Variants in CSMD1 observed in about 807,000 individuals in gnomAD.
The protein encoded by CSMD1 is CUB and Sushi multiple domains 1, also known as CUB and sushi domain-containing protein 1.
A neutral mutation model predicts 417.5 loss-of-function variants in CSMD1; 213 were observed. The observed-to-expected ratio is 0.51, with a 90% CI of 0.46 to 0.57. CSMD1 has a LOEUF of 0.57. Among genes scored for constraint, CSMD1 ranks in the 20% least tolerant of loss-of-function variants. The pLI is 0.00. For missense variants in CSMD1, 6,923 were observed against 4,529.7 expected, an observed-to-expected ratio of 1.53 and a Z score of -15.17; for synonymous variants, 2,862 against 1,736.8, an observed-to-expected ratio of 1.65 and a Z score of -16.11.
Position 4,841,120 on chromosome 8 carries a change from G to A in CSMD1, c.85+153212C>T, listed in dbSNP as rs552229889. Among the ~76,000 whole-genome samples, 50 of 152,204 alleles carry A rather than the reference G, an allele frequency of 3.3e-4. No homozygotes were observed. The South Asian group carries it at 9.6e-3, about 29-fold the overall frequency. The stretch of plus-strand genomic sequence containing the variant: ...TCTTTGTCGACTGCAGAAACAATTG[G>A]TATTACAATCTTTATTACTGAATGC... On this transcript the variant is annotated intron_variant, in intron 1 of 69. Transcript: ENST00000635120.
At chr8:4,034,021 T>C (rs548299551) in intron 3 of CSMD1, among the ~76,000 whole-genome samples, 3 of 152,290 alleles carry the variant, frequency 2.0e-5, no homozygotes, top group Admixed American at 6.5e-5. Flanking sequence ...CAAATAAAAA[T>C]GTATTTCCAA....
intron 2 of CSMD1, among the ~76,000 whole-genome samples, chr8:4,448,623 G>C (rs370968827): frequency 1.3e-5 from 2 of 152,110 alleles, no homozygotes; most frequent in South Asian, 2.1e-4. Context: ...AAATGTAATG[G>C]TGGGAAAATA....
intron 2 of CSMD1, among the ~76,000 whole-genome samples, chr8:4,631,535 C>A (rs896275365): frequency 6.6e-6 from 1 of 151,976 alleles, no homozygotes; most frequent in African/African-American, 2.4e-5. Flanking sequence ...AATTGAGACC[C>A]TTTCTTTAGC....
chr8:3,018,018 T>G (rs1260458690), intron 52 of CSMD1, among the ~76,000 whole-genome samples: 3 of 152,134 alleles, frequency 2.0e-5, no homozygotes, highest in African/African-American at 7.2e-5. Context: ...ATTTTTTAAA[T>G]TATGCAGAAT....
At chr8:4,666,349 T>C (rs1046698783) in intron 1 of CSMD1, among the ~76,000 whole-genome samples, 2 of 152,102 alleles carry the variant, frequency 1.3e-5, no homozygotes, top group African/African-American at 2.4e-5. Flanking sequence ...GCTTTTAACA[T>C]GGAAGAGGGA....
chr8:4,097,162 T>A (rs1390587828), intron 3 of CSMD1, among the ~76,000 whole-genome samples: 3 of 152,174 alleles, frequency 2.0e-5, no homozygotes, highest in African/African-American at 7.2e-5. Context: ...CTGTCATGCT[T>A]ACCATTATAT....
At chr8:4,590,249 T>G (rs1585297147) in intron 2 of CSMD1, among the ~76,000 whole-genome samples, 1 of 152,060 alleles carries the variant, frequency 6.6e-6, no homozygotes, top group Non-Finnish European at 1.5e-5. Flanking sequence ...GCGTCATACT[T>G]GAAAGTGGAG....
rs545127942 is a variant in CSMD1 at position 4,854,686 on chromosome 8, G to A, written c.85+139646C>T. ...CTGGAAAATCGGGTCACTCCCACCC[G>A]AATACTGCCCTTTTCCGACGGGCTT... On this transcript the variant is annotated intron_variant, in intron 1 of 69. Transcript: ENST00000635120. Among the ~76,000 whole-genome samples the A allele has an allele frequency of 2.6e-3, 396 of 151,890 alleles. 2 individuals are homozygous for A. Among genetic ancestry groups the A allele is most frequent in the Non-Finnish European group, 3.6e-3 (248 of 68,014 alleles).
intron 2 of CSMD1, among the ~76,000 whole-genome samples, chr8:4,431,235 A>T (rs1797853384): frequency 6.6e-6 from 1 of 152,198 alleles, no homozygotes. Flanking sequence ...ACATTAAAAA[A>T]ATAGTGAAAT....
At chr8:3,721,672 G>A (rs372248212) in intron 6 of CSMD1, among the ~76,000 whole-genome samples, 10 of 152,002 alleles carry the variant, frequency 6.6e-5, no homozygotes, top group Non-Finnish European at 1.3e-4. Flanking sequence ...TCATGGTTTT[G>A]GAAGAGCTTC....
intron 1 of CSMD1, among the ~76,000 whole-genome samples, chr8:4,989,520 A>G (rs1811355395): frequency 6.6e-6 from 1 of 152,196 alleles, no homozygotes; most frequent in African/African-American, 2.4e-5. Context: ...AACTTAAATT[A>G]AAAAAGAAGA....
At chr8:3,978,591 G>T (rs992255093) in intron 5 of CSMD1, among the ~76,000 whole-genome samples, 16 of 152,144 alleles carry the variant, frequency 1.1e-4, no homozygotes, top group African/African-American at 3.9e-4. Context: ...AATAGATTGA[G>T]GCATGTTGGG....
intron 12 of CSMD1, among the ~76,000 whole-genome samples, chr8:3,422,367 C>G (rs532589356): frequency 1.8e-4 from 28 of 152,200 alleles, no homozygotes; most frequent in South Asian, 2.1e-4. Context: ...AAAGAGGAAC[C>G]AAGAATCTTG....
intron 4 of CSMD1, among the ~76,000 whole-genome samples, chr8:4,021,753 C>A (rs981399025): frequency 6.6e-6 from 1 of 152,060 alleles, no homozygotes; most frequent in Admixed American, 6.6e-5. Flanking sequence ...GTCCCCTCCC[C>A]AATAATCTTT....
chr8:4,836,862 G>C (rs936644876), intron 1 of CSMD1, among the ~76,000 whole-genome samples: 2 of 152,018 alleles, frequency 1.3e-5, no homozygotes, highest in East Asian at 1.9e-4. Flanking sequence ...AAAGAAATGA[G>C]CCCAAAGCTT....
At chr8:4,068,625 T>A (rs1799382811) in intron 3 of CSMD1, among the ~76,000 whole-genome samples, 1 of 152,162 alleles carries the variant, frequency 6.6e-6, no homozygotes, top group Non-Finnish European at 1.5e-5. Flanking sequence ...CATATAATGT[T>A]ACCATATCAG....
intron 3 of CSMD1, among the ~76,000 whole-genome samples, chr8:4,134,139 T>G (rs1803276884): frequency 1.3e-5 from 2 of 152,212 alleles, no homozygotes; most frequent in South Asian, 2.1e-4. Flanking sequence ...CTTTTATGAT[T>G]TAATGACATT....
At chr8:3,576,402 G>C (rs1011983468) in intron 9 of CSMD1, among the ~76,000 whole-genome samples, 6 of 151,956 alleles carry the variant, frequency 3.9e-5, no homozygotes, top group South Asian at 2.1e-4. Flanking sequence ...CCTGACCTTA[G>C]GAACTGTCCT....
At chr8:3,700,248 C>A (rs144518285) in intron 7 of CSMD1, among the ~76,000 whole-genome samples, 1 of 152,048 alleles carries the variant, frequency 6.6e-6, no homozygotes, top group Non-Finnish European at 1.5e-5. Flanking sequence ...ACCCCAATAA[C>A]TTATGGAAAA....
Sources: allele counts gnomAD v4.1 joint callset (sites outside exome capture counted in the v4.1 genomes callset), GRCh38; gene constraint gnomAD v4.1.1; transcripts MANE v1.5; gene names NCBI Gene and HGNC (gene_info 2026-07-23, HGNC 2026-07-21).